Variants in CDK12 observed in about 807,000 individuals in gnomAD.
CDK12 encodes cyclin-dependent kinase 12.
CDK12 carries 17 observed loss-of-function variants against 133.8 expected under a neutral mutation model. The observed-to-expected ratio is 0.13, with a 90% CI of 0.09 to 0.19. CDK12 has a LOEUF of 0.19. CDK12 is among the 10% of genes least tolerant of loss of function. The pLI is 1.00. For missense variants in CDK12, 1,508 were observed against 1,818.7 expected (o/e 0.83, Z 3.11); for synonymous variants, 694 against 683.6 (o/e 1.02, Z -0.24).
chr17:39,515,504 G>A (rs910179582), intron 8 of CDK12, among the ~76,000 whole-genome samples: 2 of 152,170 alleles, frequency 1.3e-5, no homozygotes, highest in African/African-American at 2.4e-5. Flanking sequence ...TCTGATCATA[G>A]AGTGTCCTTA....
chr17:39,478,664 C>T (rs2050399611), intron 2 of CDK12, among the ~76,000 whole-genome samples: 1 of 152,114 alleles, frequency 6.6e-6, no homozygotes, highest in Non-Finnish European at 1.5e-5. Flanking sequence ...GACCCTGTTT[C>T]TACCATTAAA....
chr17:39,470,903 T>G lies in CDK12; in HGVS notation c.1071T>G (p.Ser357Arg). Reference protein sequence around the residue: ...LPSRKSMKSRSRSPAYSRHSS... With the variant: ...LPSRKSMKSRRRSPAYSRHSS... ...GTAGGAAATCCATGAAGTCCAGAAGTAGAAGTCCTGCATATTCAAGACATT... is the reference window on the plus strand; with the variant it reads ...GTAGGAAATCCATGAAGTCCAGAAGGAGAAGTCCTGCATATTCAAGACATT... The change falls in exon 2 of 14, where the codon AGT (serine) becomes AGG (arginine). Residue 357 changes from serine to arginine, a missense_variant. Physicochemically the swap from Ser to Arg is moderately radical, Grantham distance 110. This residue lies in a region of CDK12 where 460 missense variants were observed against 490.8 expected (regional missense o/e 0.94). Coordinates refer to ENST00000447079, the MANE Select transcript of CDK12 (RefSeq NM_016507.4). The G allele has an allele frequency of 3.1e-6, 5 of 1,607,070 alleles. No homozygotes were observed. Among genetic ancestry groups the G allele is most frequent in the Non-Finnish European group, 4.2e-6 (5 of 1,178,192 alleles).
At chr17:39,493,433 C>A (rs1403106326) in intron 4 of CDK12, among the ~76,000 whole-genome samples, 1 of 152,008 alleles carries the variant, frequency 6.6e-6, no homozygotes, top group Non-Finnish European at 1.5e-5. Flanking sequence ...ATCAGCCTCC[C>A]GAGTAGCTGG....
At chr17:39,527,897 C>A (rs1274139094) in intron 13 of CDK12, among the ~76,000 whole-genome samples, 1 of 151,416 alleles carries the variant, frequency 6.6e-6, no homozygotes, top group Non-Finnish European at 1.5e-5. Context: ...TTATTGTTGT[C>A]AATCCTGAAA....
intron 6 of CDK12, among the ~76,000 whole-genome samples, chr17:39,508,022 T>C (rs539437463): frequency 6.6e-6 from 1 of 152,310 alleles, no homozygotes; most frequent in South Asian, 2.1e-4. Context: ...CTGTACTACA[T>C]GTTGAGTATC....
rs2055044029 is a variant in CDK12 at position 39,534,515 on chromosome 17, T to C, written c.*3199T>C. 2 of 232,296 alleles carry C rather than the reference T, an allele frequency of 8.6e-6. No individual in the cohort carries two copies. Among genetic ancestry groups the C allele is most frequent in the East Asian group, 1.2e-4 (2 of 16,478 alleles). The allele number at this position is 232,296 out of a possible 1,614,324, so 14.4% of individuals were successfully genotyped here. A position where few individuals can be genotyped will look rare whatever the true frequency, so the allele number is the denominator to read the frequency against. Reference sequence around the variant, plus strand: ...AGTTTATAAAAATGGAAAGTGGAGATTGGAAAATTAAATATTTCCTGTTAC... The same window carrying C: ...AGTTTATAAAAATGGAAAGTGGAGACTGGAAAATTAAATATTTCCTGTTAC... On this transcript the variant is annotated 3_prime_UTR_variant, in exon 14 of 14. Coordinates refer to ENST00000447079, the MANE Select transcript of CDK12 (RefSeq NM_016507.4).
In CDK12 at chr17:39,471,528, C is replaced by G; in HGVS notation, c.1696C>G (p.Leu566Val). The G allele has an allele frequency of 6.2e-7, 1 of 1,613,916 alleles. No individual in the cohort carries two copies. Among genetic ancestry groups the G allele is most frequent in the Non-Finnish European group, 8.5e-7 (1 of 1,179,984 alleles). ...ACCAGCTCTTCCACAGCAACCACCT[C>G]TGCCTCCTTCTCAGCCAGCATTTAG... ...PIPALPQQPP[L>V]PPSQPAFSQV... Residue 566 changes from leucine to valine, a missense_variant, in exon 2 of 14, where the codon CTG becomes GTG. By Grantham distance (32) the Leu-to-Val change is conservative (BLOSUM62 1). Around this residue, in one of 9 missense-constraint regions of CDK12, gnomAD observed 347 missense variants for 330.8 expected, o/e 1.05. Transcript: ENST00000447079.
At position 39,509,264 on chromosome 17, in the gene CDK12, G is replaced by A. The variant is rs2053331465; in HGVS notation, c.2610-441G>A. ...GCCTCCCAAAATTCTGGGACTACAG[G>A]TGTGAGCCACCATGCCCAGACTGTT... is the stretch of plus-strand genomic sequence containing the variant. On this transcript the variant is annotated intron_variant, in intron 6 of 13. Transcript: ENST00000447079. Among the ~76,000 whole-genome samples, 3 of 152,088 alleles carry A rather than the reference G, an allele frequency of 2.0e-5. No individual in the cohort carries two copies. The South Asian group carries it at 6.2e-4, about 31-fold the overall frequency.
intron 3 of CDK12, among the ~76,000 whole-genome samples, chr17:39,563,459 T>C (rs184451939): frequency 9.3e-5 from 2 of 21,440 alleles, no homozygotes; most frequent in Non-Finnish European, 2.4e-4. Context: ...TTCTCTTGCT[T>C]CCCGCCCCCC....
At chr17:39,518,285 GC>G in intron 10 of CDK12, among the ~76,000 whole-genome samples, 1 of 151,460 alleles carries the variant, frequency 6.6e-6, no homozygotes, top group African/African-American at 2.4e-5. Context: ...CCCCACCTTA[GC>G]CTTCTGAATA....
At chr17:39,495,063 G>A (rs1035494699) in intron 5 of CDK12, among the ~76,000 whole-genome samples, 5 of 151,702 alleles carry the variant, frequency 3.3e-5, no homozygotes, top group African/African-American at 7.3e-5. Flanking sequence ...GAGCCACCGC[G>A]CCTGGCCCTT....
At chr17:39,556,675 G>C (rs2056175676) in intron 3 of CDK12, among the ~76,000 whole-genome samples, 2 of 151,512 alleles carry the variant, frequency 1.3e-5, no homozygotes, top group Non-Finnish European at 2.9e-5. Flanking sequence ...CAACAATCCT[G>C]CTCTCTCCAC....
At chr17:39,481,704 C>T (rs2050713818) in intron 2 of CDK12, among the ~76,000 whole-genome samples, 2 of 16,214 alleles carry the variant, frequency 1.2e-4, no homozygotes, top group Non-Finnish European at 3.1e-4. Flanking sequence ...CTCTCTCTCT[C>T]TCTCTCTTTC....
intron 1 of CDK12, among the ~76,000 whole-genome samples, chr17:39,542,185 A>G (rs1363297901): frequency 1.3e-5 from 2 of 151,934 alleles, no homozygotes; most frequent in Non-Finnish European, 2.9e-5. Context: ...ATCTTAAAGA[A>G]TAATCTTTTT....
intron 6 of CDK12, among the ~76,000 whole-genome samples, chr17:39,509,487 G>A (rs1162433750): frequency 6.6e-6 from 1 of 152,102 alleles, no homozygotes; most frequent in Non-Finnish European, 1.5e-5. Flanking sequence ...GTCAAAAAAG[G>A]TTTAATTAGG....
At chr17:39,480,890 C>G (rs990751207) in intron 2 of CDK12, among the ~76,000 whole-genome samples, 1 of 152,192 alleles carries the variant, frequency 6.6e-6, no homozygotes, top group African/African-American at 2.4e-5. Flanking sequence ...ATAGTACAAT[C>G]TACATGACCA....
chr17:39,510,389 G>A (rs2053424454), intron 7 of CDK12, among the ~76,000 whole-genome samples: 1 of 151,952 alleles, frequency 6.6e-6, no homozygotes, highest in Admixed American at 6.6e-5. Context: ...AGAGTGCTGG[G>A]ATTACAGGCG....
chr17:39,495,952 C>T (rs1047748781), intron 5 of CDK12, among the ~76,000 whole-genome samples: 2 of 151,932 alleles, frequency 1.3e-5, no homozygotes, highest in Non-Finnish European at 2.9e-5. Flanking sequence ...TACTCTCTCA[C>T]CCAGGCTGGA....
intron 11 of CDK12, among the ~76,000 whole-genome samples, chr17:39,520,691 T>TTTGTTGTTG (rs35166716): frequency 6.5e-4 from 98 of 150,132 alleles, no homozygotes; most frequent in African/African-American, 1.8e-3. Context: ...CCAGCGTGTT[T>TTTGTTGTTG]TTGTTGTTGT....
Sources: gnomAD v4.1 joint callset for allele counts (sites outside exome capture counted in the v4.1 genomes callset) on GRCh38, gnomAD v4.1.1 for gene constraint, gnomAD v4.1.1 regional missense constraint, MANE v1.5 for transcripts, NCBI Gene and HGNC (gene_info 2026-07-23, HGNC 2026-07-21) for gene names.